The following C12orf42 variants were observed in gnomAD, a reference collection of about 807,000 sequenced individuals.
The protein encoded by C12orf42 is chromosome 12 open reading frame 42.
A neutral mutation model predicts 21.6 loss-of-function variants in C12orf42; 25 were observed. That is an observed-to-expected ratio of 1.16 (90% CI 0.84 to 1.62). The LOEUF (loss-of-function observed/expected upper bound fraction) is 1.62. Among genes scored for constraint, C12orf42 ranks in the 40% most tolerant of loss-of-function variants. C12orf42 has a pLI of 0.00. For missense variants in C12orf42, 483 were observed against 459.3 expected (o/e 1.05, Z -0.47); for synonymous variants, 174 against 175.0 (o/e 0.99, Z 0.05).
Position 103,306,126 on chromosome 12 carries a change from T to C in C12orf42, c.479A>G (p.Gln160Arg). ...TEERARGAPK[Q>R]AWNSSFLEQL... ...TTCCAAAAATGAACTGTTCCAAGCC[T>C]GCTTGGGTGCTCCTCTGGCTCTCTC... is the stretch of plus-strand genomic sequence containing the variant. Residue 160 changes from glutamine (Q) to arginine (R), a missense_variant, in exon 5 of 6, where the codon CAG becomes CGG. Coordinates refer to ENST00000548883, the MANE Select transcript of C12orf42 (RefSeq NM_198521.5). 1 of 1,613,994 alleles carries C rather than the reference T, an allele frequency of 6.2e-7. No homozygotes were observed. Among genetic ancestry groups the C allele is most frequent in the East Asian group, 2.2e-5 (1 of 44,890 alleles).
At chr12:103,201,563 TC>T in the C12orf42 span, among the ~76,000 whole-genome samples, 1 of 152,180 alleles carries the variant, frequency 6.6e-6, no homozygotes, top group Non-Finnish European at 1.5e-5. Context: ...TTTTCACCCT[TC>T]CAATTTGCTT....
At chr12:103,497,019 T>C (rs1288117436), upstream of C12orf42, among the ~76,000 whole-genome samples, 1 of 152,206 alleles carries the variant, frequency 6.6e-6, no homozygotes, top group Non-Finnish European at 1.5e-5. Flanking sequence ...CTCGTGATCA[T>C]CGAGTAAAAT....
chr12:103,265,445 T>TA (rs1448547721), downstream of C12orf42, among the ~76,000 whole-genome samples: 2 of 152,204 alleles, frequency 1.3e-5, no homozygotes, highest in African/African-American at 4.8e-5. Flanking sequence ...ATTTTAAATC[T>TA]ATTTCATTCT....
At chr12:103,231,394 T>C in the C12orf42 span, among the ~76,000 whole-genome samples, 38 of 152,356 alleles carry the variant, frequency 2.5e-4, no homozygotes, top group African/African-American at 9.1e-4. Context: ...TGATGACATA[T>C]ATCCACCATT....
intron 4 of C12orf42, among the ~76,000 whole-genome samples, chr12:103,355,397 G>T (rs984920540): frequency 6.6e-6 from 1 of 152,140 alleles, no homozygotes; most frequent in Admixed American, 6.6e-5. Context: ...GAAGGCAGCA[G>T]CATGAAGGAA....
intron 4 of C12orf42, among the ~76,000 whole-genome samples, chr12:103,332,398 G>T (rs776971645): frequency 3.3e-5 from 5 of 152,200 alleles, no homozygotes; most frequent in Admixed American, 6.5e-5. Flanking sequence ...ACAGTGAAGT[G>T]CAGACTAGAT....
the C12orf42 span, among the ~76,000 whole-genome samples, chr12:103,061,348 T>C: frequency 5.4e-4 from 82 of 152,332 alleles, no homozygotes; most frequent in Non-Finnish European, 1.1e-3. Context: ...GTAATGTTTA[T>C]TCTGTTGATG....
intron 1 of C12orf42, among the ~76,000 whole-genome samples, chr12:103,479,357 T>C (rs999400987): frequency 2.0e-5 from 3 of 151,822 alleles, no homozygotes; most frequent in African/African-American, 7.3e-5. Context: ...GTTACAGAGG[T>C]GTTAAAGGGT....
At chr12:103,149,797 C>G in the C12orf42 span, among the ~76,000 whole-genome samples, 2 of 152,116 alleles carry the variant, frequency 1.3e-5, no homozygotes, top group Admixed American at 1.3e-4. Context: ...TATAAATTAC[C>G]CAGTCTTGGG....
chr12:103,224,005 G>C, the C12orf42 span, among the ~76,000 whole-genome samples: 1 of 152,126 alleles, frequency 6.6e-6, no homozygotes, highest in Non-Finnish European at 1.5e-5. Context: ...ACTAATAAAG[G>C]CTCATCTGTT....
At chr12:103,316,015 GTATA>G (rs1249524895) in intron 4 of C12orf42, among the ~76,000 whole-genome samples, 1 of 149,082 alleles carries the variant, frequency 6.7e-6, no homozygotes, top group Non-Finnish European at 1.5e-5. Context: ...ATGCTTTTAT[GTATA>G]TATACACACA....
chr12:103,393,105 CTG>C (rs1476845888), intron 3 of C12orf42, among the ~76,000 whole-genome samples: 1 of 144,402 alleles, frequency 6.9e-6, no homozygotes, highest in African/African-American at 2.7e-5. Context: ...GAATCAGTTT[CTG>C]TGTTAGTCCA....
chr12:103,073,269 A>C, the C12orf42 span, among the ~76,000 whole-genome samples: 1 of 152,044 alleles, frequency 6.6e-6, no homozygotes, highest in Non-Finnish European at 1.5e-5. Context: ...TGTACAACAA[A>C]CCCCCATGAC....
At chr12:103,561,190 C>T in the C12orf42 span, among the ~76,000 whole-genome samples, 1 of 152,262 alleles carries the variant, frequency 6.6e-6, no homozygotes, top group Non-Finnish European at 1.5e-5. Flanking sequence ...GAGCCTCTTC[C>T]GTGGCTGTGG....
chr12:103,421,967 T>C lies in C12orf42; in HGVS notation c.79-20292A>G, dbSNP rs149388543. Among the ~76,000 whole-genome samples the C allele has an allele frequency of 2.2e-3, 332 of 152,348 alleles. 1 individual carries two copies. Among genetic ancestry groups the C allele is most frequent in the Non-Finnish European group, 4.0e-3 (271 of 68,030 alleles). On this transcript the variant is annotated intron_variant, in intron 2 of 5. Coordinates refer to ENST00000548883, the MANE Select transcript of C12orf42 (RefSeq NM_198521.5). ...ATGGTCAGAAATTATATTATTTGTT[T>C]CTAAAATGTATTCATTGGAGCCAGA...
chr12:103,525,361 G>A, the C12orf42 span, among the ~76,000 whole-genome samples: 1 of 146,036 alleles, frequency 6.8e-6, no homozygotes. Context: ...GAAGCTGAGT[G>A]ACAAATGCAT....
At chr12:103,392,922 C>T (rs1412324647) in intron 3 of C12orf42, among the ~76,000 whole-genome samples, 2 of 152,146 alleles carry the variant, frequency 1.3e-5, no homozygotes, top group South Asian at 4.2e-4. Context: ...GTATCTCATT[C>T]TCAGTGGTGG....
At chr12:103,078,598 A>G in the C12orf42 span, among the ~76,000 whole-genome samples, 1 of 152,222 alleles carries the variant, frequency 6.6e-6, no homozygotes, top group South Asian at 2.1e-4. Context: ...ACTATGCTTC[A>G]TATAGTGGAT....
the C12orf42 span, among the ~76,000 whole-genome samples, chr12:103,140,371 A>G: frequency 3.3e-5 from 5 of 152,274 alleles, no homozygotes; most frequent in African/African-American, 1.2e-4. Context: ...CAGAATGCCA[A>G]CCTATGTCTC....
Sources: allele counts gnomAD v4.1 joint callset (sites outside exome capture counted in the v4.1 genomes callset), GRCh38; gene constraint gnomAD v4.1.1; transcripts MANE v1.5; gene names NCBI Gene and HGNC (gene_info 2026-07-23, HGNC 2026-07-21).